Variants in MCC observed in about 807,000 individuals in gnomAD.
The protein encoded by MCC is colorectal mutant cancer protein.
A neutral mutation model predicts 116.2 loss-of-function variants in MCC; 90 were observed. The observed-to-expected ratio is 0.77, with a 90% CI of 0.65 to 0.92. The LOEUF (loss-of-function observed/expected upper bound fraction) is 0.92. Among genes scored for constraint, MCC ranks in the 40% least tolerant of loss-of-function variants. The pLI is 0.00. For missense variants in MCC, 1,516 were observed against 1,312.2 expected, an observed-to-expected ratio of 1.16 and a Z score of -2.40; for synonymous variants, 578 against 510.5, an observed-to-expected ratio of 1.13 and a Z score of -1.78.
At chr5:113,438,757 A>C (rs986649734) in intron 1 of MCC, among the ~76,000 whole-genome samples, 1 of 152,262 alleles carries the variant, frequency 6.6e-6, no homozygotes, top group Admixed American at 6.5e-5. Context: ...GGGAAGCTAA[A>C]AACACTACGA....
chr5:113,131,783 T>C (rs1236939693), intron 5 of MCC, among the ~76,000 whole-genome samples: 6 of 152,154 alleles, frequency 3.9e-5, no homozygotes, highest in Non-Finnish European at 2.9e-5. Context: ...GAGTTAAAAC[T>C]CTATCCAGAA....
At chr5:113,417,457 G>A (rs957955095) in intron 1 of MCC, among the ~76,000 whole-genome samples, 1 of 152,152 alleles carries the variant, frequency 6.6e-6, no homozygotes, top group African/African-American at 2.4e-5. Flanking sequence ...TTGCCTAAGA[G>A]GTCAGTGATT....
chr5:113,196,877 G>A (rs1180523507), intron 3 of MCC, among the ~76,000 whole-genome samples: 1 of 152,154 alleles, frequency 6.6e-6, no homozygotes, highest in Non-Finnish European at 1.5e-5. Flanking sequence ...ACAGAAGCAC[G>A]TCTGCAGGTT....
At chr5:113,075,038 C>T (rs1343235045) in intron 11 of MCC, among the ~76,000 whole-genome samples, 3 of 152,202 alleles carry the variant, frequency 2.0e-5, no homozygotes, top group Non-Finnish European at 4.4e-5. Context: ...GCTCCCTCTG[C>T]TTGATGGGAA....
chr5:113,359,217 T>C (rs10062004), intron 2 of MCC, among the ~76,000 whole-genome samples: 67,279 of 151,996 alleles, frequency 0.44, 16,394 homozygotes, highest in African/African-American at 0.64. Flanking sequence ...ATTGGGAATA[T>C]AGTGGAAGAT....
chr5:113,095,980 A>G (rs1464840717), intron 8 of MCC, among the ~76,000 whole-genome samples: 1 of 152,202 alleles, frequency 6.6e-6, no homozygotes, highest in East Asian at 1.9e-4. Flanking sequence ...GCACTGGGCC[A>G]GGCAGTGCCT....
intron 5 of MCC, among the ~76,000 whole-genome samples, chr5:113,136,322 G>A (rs559792484): frequency 1.3e-5 from 2 of 152,250 alleles, no homozygotes; most frequent in African/African-American, 2.4e-5. Flanking sequence ...ACCTAGTGAT[G>A]TAAACAGAGA....
chr5:113,337,543 G>A (rs1430047611), intron 3 of MCC, among the ~76,000 whole-genome samples: 3 of 152,176 alleles, frequency 2.0e-5, no homozygotes, highest in Non-Finnish European at 4.4e-5. Context: ...CTTAGGGGTA[G>A]TGGCTGTTCT....
intron 3 of MCC, among the ~76,000 whole-genome samples, chr5:113,325,002 A>T (rs912202313): frequency 1.3e-4 from 17 of 133,594 alleles, no homozygotes; most frequent in Non-Finnish European, 2.0e-4. Flanking sequence ...CCAGCTAATT[A>T]AAAAAAAAAA....
chr5:113,402,181 C>T (rs1769708327), intron 1 of MCC, among the ~76,000 whole-genome samples: 1 of 151,608 alleles, frequency 6.6e-6, no homozygotes. Flanking sequence ...GTAGTCCCAG[C>T]TACTCCGGAG....
chr5:113,448,850 C>A (rs1771299187), intron 1 of MCC, among the ~76,000 whole-genome samples: 1 of 152,210 alleles, frequency 6.6e-6, no homozygotes. Flanking sequence ...GACAGCTCCA[C>A]AAATAGAGGT....
At chr5:113,289,316 G>A (rs1260563356) in intron 3 of MCC, among the ~76,000 whole-genome samples, 2 of 140,306 alleles carry the variant, frequency 1.4e-5, no homozygotes, top group Non-Finnish European at 3.0e-5. Flanking sequence ...GTAACACAGA[G>A]AGGCTCCATC....
intron 6 of MCC, among the ~76,000 whole-genome samples, chr5:113,110,568 A>G (rs1325179286): frequency 6.6e-6 from 1 of 152,242 alleles, no homozygotes; most frequent in Non-Finnish European, 1.5e-5. Context: ...GTTAACCTTC[A>G]GTTAAAATTA....
chr5:113,246,333 T>A (rs998488703), intron 3 of MCC, among the ~76,000 whole-genome samples: 3 of 152,254 alleles, frequency 2.0e-5, no homozygotes, highest in South Asian at 4.1e-4. Context: ...AAGTTCATCT[T>A]TTTTAAAGCA....
intron 1 of MCC, among the ~76,000 whole-genome samples, chr5:113,487,792 C>T (rs773388222): frequency 6.6e-5 from 10 of 152,246 alleles, no homozygotes; most frequent in Non-Finnish European, 2.9e-5. Flanking sequence ...CCGAGGCTGT[C>T]GCTTAGCTCA....
intron 17 of MCC, among the ~76,000 whole-genome samples, chr5:113,036,889 C>T (rs949916502): frequency 2.0e-5 from 3 of 152,218 alleles, no homozygotes; most frequent in Non-Finnish European, 4.4e-5. Context: ...CTCTGGGGCT[C>T]AGCAGTTTAT....
chr5:113,407,608 A>C (rs1445202633), intron 1 of MCC, among the ~76,000 whole-genome samples: 1 of 152,136 alleles, frequency 6.6e-6, no homozygotes, highest in African/African-American at 2.4e-5. Flanking sequence ...CTCTGCATTC[A>C]TTTGGTTAAA....
At chr5:113,414,180 A>G (rs888509567) in intron 1 of MCC, among the ~76,000 whole-genome samples, 4 of 152,080 alleles carry the variant, frequency 2.6e-5, no homozygotes, top group African/African-American at 9.7e-5. Flanking sequence ...CATATGCTTT[A>G]CTTCCAACTA....
At chr5:113,275,121 C>T (rs778692834) in intron 3 of MCC, among the ~76,000 whole-genome samples, 3 of 152,090 alleles carry the variant, frequency 2.0e-5, no homozygotes, top group African/African-American at 4.8e-5. Flanking sequence ...CAGTCCATCG[C>T]GCGGGTGGGC....
Sources: gnomAD v4.1 joint callset for allele counts (sites outside exome capture counted in the v4.1 genomes callset) on GRCh38, gnomAD v4.1.1 for gene constraint, MANE v1.5 for transcripts, NCBI Gene and HGNC (gene_info 2026-07-23, HGNC 2026-07-21) for gene names.